Variants in ZNF362 observed in about 807,000 individuals in gnomAD.
ZNF362 encodes zinc finger protein 362, also known as rotund homolog.
A neutral mutation model predicts 42.9 loss-of-function variants in ZNF362; 11 were observed. That is an observed-to-expected ratio of 0.26 (90% CI 0.16 to 0.42). The LOEUF is 0.42. Among genes scored for constraint, ZNF362 ranks in the 20% least tolerant of loss-of-function variants. ZNF362 has a pLI of 1.00. For synonymous variants in ZNF362, 255 were observed against 257.3 expected (o/e 0.99, Z 0.09); for missense variants, 362 against 576.2 (o/e 0.63, Z 3.81).
the ZNF362 span, among the ~76,000 whole-genome samples, chr1:33,182,631 TGTG>T: frequency 6.6e-6 from 1 of 151,430 alleles, no homozygotes; most frequent in Non-Finnish European, 1.5e-5. Flanking sequence ...TGTGTGTGTG[TGTG>T]TAAGGCGGTG....
At chr1:33,148,224 C>T in the ZNF362 span, among the ~76,000 whole-genome samples, 1 of 152,184 alleles carries the variant, frequency 6.6e-6, no homozygotes, top group Non-Finnish European at 1.5e-5. Context: ...TGCCCCACAC[C>T]TTCCCCGACT....
chr1:33,258,935 C>T (rs530909465), intron 1 of ZNF362, among the ~76,000 whole-genome samples: 63 of 152,348 alleles, frequency 4.1e-4, no homozygotes, highest in African/African-American at 1.3e-3. Flanking sequence ...GCAGGCTCCT[C>T]GCCTGGCCTT....
chr1:33,204,799 A>G, the ZNF362 span, among the ~76,000 whole-genome samples: 1 of 152,336 alleles, frequency 6.6e-6, no homozygotes, highest in East Asian at 1.9e-4. Flanking sequence ...CCATTGGAAT[A>G]AGAAGTGAGT....
At chr1:33,136,976 G>A in the ZNF362 span, among the ~76,000 whole-genome samples, 1 of 150,448 alleles carries the variant, frequency 6.6e-6, no homozygotes, top group Non-Finnish European at 1.5e-5. Flanking sequence ...CAGCCTGGGC[G>A]ACAGAGCAAG....
At position 33,276,603 on chromosome 1, in the gene ZNF362, A is replaced by G; in HGVS notation, c.349+9A>G. On this transcript the variant is annotated intron_variant, in intron 4 of 8. Coordinates refer to ENST00000539719, the MANE Select transcript of ZNF362 (RefSeq NM_152493.3). ...CACCAGCACCGTCACAGGTAGGCCG[A>G]GCGGGCGGGGCCGGCGGGGCCGGTG... is the stretch of plus-strand genomic sequence containing the variant. 7.5e-7 allele frequency: 1 copy of G among 1,333,712 alleles called. No individual in the cohort carries two copies. The highest frequency in any genetic ancestry group is 3.3e-5 in the East Asian group (1 of 30,732). The allele number at this position is 1,333,712 out of a possible 1,614,324, so 82.6% of individuals were successfully genotyped here.
chr1:33,130,680 TA>T, the ZNF362 span, among the ~76,000 whole-genome samples: 1 of 152,184 alleles, frequency 6.6e-6, no homozygotes, highest in Admixed American at 6.5e-5. Context: ...GAAAGGGAGA[TA>T]AGTAATATTC....
At chr1:33,144,135 CTTTTTTTTT>C in the ZNF362 span, among the ~76,000 whole-genome samples, 23 of 146,550 alleles carry the variant, frequency 1.6e-4, no homozygotes, top group South Asian at 4.3e-4. Context: ...AATGTTACTT[CTTTTTTTTT>C]TTTTTTTTTT....
chr1:33,156,558 C>T, the ZNF362 span, among the ~76,000 whole-genome samples: 2 of 152,160 alleles, frequency 1.3e-5, no homozygotes. Context: ...TGGCTGGGTC[C>T]CCCTCTTGTC....
upstream of ZNF362, among the ~76,000 whole-genome samples, chr1:33,252,205 G>A (rs1645764558): frequency 6.6e-6 from 1 of 152,170 alleles, no homozygotes; most frequent in Non-Finnish European, 1.5e-5. Flanking sequence ...TACAAAATTA[G>A]CCAGGTGTGG....
chr1:33,210,582 G>C, the ZNF362 span, among the ~76,000 whole-genome samples: 1 of 152,108 alleles, frequency 6.6e-6, no homozygotes, highest in Non-Finnish European at 1.5e-5. Flanking sequence ...GGGTCTCTAA[G>C]AACTTGCTTT....
intron 4 of ZNF362, among the ~76,000 whole-genome samples, chr1:33,277,029 G>A (rs1645956029): frequency 6.6e-6 from 1 of 152,260 alleles, no homozygotes; most frequent in Non-Finnish European, 1.5e-5. Context: ...CCGCACAGGC[G>A]GAGGGAGTAT....
chr1:33,274,881 A>T, intron 2 of ZNF362: 1 of 897,250 alleles, frequency 1.1e-6, no homozygotes. Context: ...TCTTGTGCCT[A>T]CTTTCAAGTA....
chr1:33,289,587 AG>A, intron 6 of ZNF362, among the ~76,000 whole-genome samples: 1 of 152,244 alleles, frequency 6.6e-6, no homozygotes, highest in Non-Finnish European at 1.5e-5. Flanking sequence ...ACTGTCGGTC[AG>A]TCAGTGAGCA....
the ZNF362 span, among the ~76,000 whole-genome samples, chr1:33,236,460 G>T: frequency 7.0e-6 from 1 of 143,390 alleles, no homozygotes; most frequent in African/African-American, 2.6e-5. Context: ...TGAGGCAGGA[G>T]ACTTGCTTGA....
the ZNF362 span, among the ~76,000 whole-genome samples, chr1:33,221,003 G>T: frequency 6.6e-6 from 1 of 152,148 alleles, no homozygotes; most frequent in Non-Finnish European, 1.5e-5. Flanking sequence ...GCAGAAAGAG[G>T]GTGGCAGGGC....
the ZNF362 span, among the ~76,000 whole-genome samples, chr1:33,127,806 T>G: frequency 2.6e-5 from 4 of 152,256 alleles, no homozygotes; most frequent in South Asian, 8.3e-4. Flanking sequence ...CCAAGGAGTT[T>G]TACATTTTAA....
At chr1:33,234,459 T>G in the ZNF362 span, among the ~76,000 whole-genome samples, 1 of 152,128 alleles carries the variant, frequency 6.6e-6, no homozygotes. Flanking sequence ...TAAAAAAATC[T>G]CAAAGGAGAA....
chr1:33,289,265 A>C (rs1557798226), intron 6 of ZNF362, among the ~76,000 whole-genome samples: 1 of 152,166 alleles, frequency 6.6e-6, no homozygotes, highest in African/African-American at 2.4e-5. Flanking sequence ...TGCTCCTCTC[A>C]GGAGCGCAGT....
rs113567803 is a variant in ZNF362 at position 33,276,682 on chromosome 1, C to T, written c.349+88C>T. 317 of 1,276,656 alleles carry T rather than the reference C, an allele frequency of 2.5e-4. 4 individuals carry two copies. The African/African-American group carries it at 3.8e-3, about 15-fold the overall frequency. The allele number at this position is 1,276,656 out of a possible 1,614,324, so 79.1% of individuals were successfully genotyped here. A position where few individuals can be genotyped will look rare whatever the true frequency, so the allele number is the denominator to read the frequency against. On this transcript the variant is annotated intron_variant, in intron 4 of 8. Transcript: ENST00000539719. ...CGGGGGACTTGGTGAGGATGGGACC[C>T]GGCTAGGTAAGAGCAGGGCGGGCAG...
Sources: gnomAD v4.1 joint callset for allele counts (sites outside exome capture counted in the v4.1 genomes callset) on GRCh38, gnomAD v4.1.1 for gene constraint, MANE v1.5 for transcripts, NCBI Gene and HGNC (gene_info 2026-07-23, HGNC 2026-07-21) for gene names.